The following UBL3 variants were observed in gnomAD, a reference collection of about 807,000 sequenced individuals.
UBL3 encodes the protein ubiquitin-like protein 3.
UBL3 carries 6 observed loss-of-function variants against 18.4 expected under a neutral mutation model. The ratio of observed to expected loss-of-function variants is 0.33; its 90% CI spans 0.18 to 0.64. The LOEUF (loss-of-function observed/expected upper bound fraction) is 0.64, where lower values mean the gene tolerates loss of function less well. UBL3 is among the 30% of genes least tolerant of loss of function. UBL3 has a pLI of 0.76. For missense variants in UBL3, 109 were observed against 142.9 expected (o/e 0.76, Z 1.21); for synonymous variants, 49 against 46.6 (o/e 1.05, Z -0.21).
intron 1 of UBL3, among the ~76,000 whole-genome samples, chr13:29,796,136 T>C (rs960945586): frequency 3.3e-5 from 5 of 152,122 alleles, no homozygotes; most frequent in Non-Finnish European, 5.9e-5. Flanking sequence ...ATTAAGTCAT[T>C]TGCTAAAAGG....
Position 29,767,171 on chromosome 13 carries a change from G to T in UBL3, c.*84C>A. 1 of 1,480,674 alleles carries T rather than the reference G, an allele frequency of 6.8e-7. No homozygotes were observed. Among genetic ancestry groups the T allele is most frequent in the South Asian group, 1.2e-5 (1 of 85,524 alleles). The allele number at this position is 1,480,674 out of a possible 1,614,324, so 91.7% of individuals were successfully genotyped here. A position where few individuals can be genotyped will look rare whatever the true frequency, so the allele number is the denominator to read the frequency against. On this transcript the variant is annotated 3_prime_UTR_variant, in exon 5 of 5. Coordinates refer to ENST00000380680, the MANE Select transcript of UBL3 (RefSeq NM_007106.4). ...TGTTTACAGGCAGACTGTTCTGAAC[G>T]GTTTCTGAAGCAATGTCGGGTCTTT... is the stretch of plus-strand genomic sequence containing the variant.
chr13:29,773,634 CAG>C (rs933134181), intron 2 of UBL3, among the ~76,000 whole-genome samples: 7 of 152,016 alleles, frequency 4.6e-5, no homozygotes, highest in Non-Finnish European at 5.9e-5. Flanking sequence ...TTATCTTATA[CAG>C]AGTGTCATGA....
chr13:29,813,267 A>G (rs561810541), intron 1 of UBL3, among the ~76,000 whole-genome samples: 1 of 152,174 alleles, frequency 6.6e-6, no homozygotes, highest in East Asian at 1.9e-4. Flanking sequence ...GTAATTGCAT[A>G]GAACGTCAGG....
chr13:29,817,373 G>A (rs531786114), intron 1 of UBL3, among the ~76,000 whole-genome samples: 10 of 152,160 alleles, frequency 6.6e-5, no homozygotes, highest in East Asian at 1.9e-4. Context: ...CAGAACCTTC[G>A]AATTTTTTAA....
intron 1 of UBL3, 128 bp downstream of exon 1, chr13:29,849,384 C>G (rs2139374565): frequency 7.8e-7 from 1 of 1,278,506 alleles, no homozygotes; most frequent in South Asian, 1.3e-5. Flanking sequence ...TCCAACTTCT[C>G]CAAATCGCTC....
intron 1 of UBL3, among the ~76,000 whole-genome samples, chr13:29,822,068 A>G (rs1226106356): frequency 3.3e-5 from 5 of 152,218 alleles, no homozygotes; most frequent in Admixed American, 3.3e-4. Flanking sequence ...GCCTTGGTTG[A>G]ATATATATGG....
At chr13:29,831,448 G>T (rs1401656018) in intron 1 of UBL3, among the ~76,000 whole-genome samples, 1 of 152,034 alleles carries the variant, frequency 6.6e-6, no homozygotes, top group East Asian at 1.9e-4. Context: ...AATTAGCCGG[G>T]GTGGTAGTGC....
chr13:29,791,580 G>A lies in UBL3; in HGVS notation c.28-14317C>T, dbSNP rs149482633. ...CTATCCTGGCAAGAATCACCAGAATGACTTTCTGATTGTTCTTGTTCGGTT... is the reference window on the plus strand; with the variant it reads ...CTATCCTGGCAAGAATCACCAGAATAACTTTCTGATTGTTCTTGTTCGGTT... On this transcript the variant is annotated intron_variant, in intron 1 of 4. Transcript: ENST00000380680. Among the ~76,000 whole-genome samples, 170 of 152,278 alleles carry A rather than the reference G, an allele frequency of 1.1e-3. 1 individual carries two copies. The highest frequency in any genetic ancestry group is 4.0e-3 in the African/African-American group (168 of 41,558).
intron 1 of UBL3, among the ~76,000 whole-genome samples, chr13:29,819,215 A>G (rs927135830): frequency 1.3e-5 from 2 of 152,376 alleles, no homozygotes; most frequent in East Asian, 3.9e-4. Context: ...AAAAGTGCTT[A>G]GAAAATCCCA....
chr13:29,786,955 T>C (rs1877336972), intron 1 of UBL3, among the ~76,000 whole-genome samples: 1 of 152,194 alleles, frequency 6.6e-6, no homozygotes, highest in Admixed American at 6.5e-5. Flanking sequence ...TTACTTGGAA[T>C]GTGAACTTGC....
chr13:29,777,180 C>T lies in UBL3; in HGVS notation c.111G>A (p.Lys37=), dbSNP rs1457035638. ...CCATTGGCCAATTGTCATATACATG[C>T]TTTGCAATGTCAGAAGCAGAATCGT... ...SPNDSASDIA[K]HVYDNWPMDW... is the part of the protein sequence containing the mutation. The change falls in exon 2 of 5, where the codon AAG becomes AAA. Residue 37 remains lysine (K), a synonymous_variant. Transcript: ENST00000380680. 5 of 1,605,932 alleles carry T rather than the reference C, an allele frequency of 3.1e-6. No homozygotes were observed. The highest frequency in any genetic ancestry group is 4.3e-6 in the Non-Finnish European group (5 of 1,175,956).
At chr13:29,806,829 A>C (rs1442760818) in intron 1 of UBL3, among the ~76,000 whole-genome samples, 2 of 152,054 alleles carry the variant, frequency 1.3e-5, no homozygotes, top group African/African-American at 4.8e-5. Context: ...AATTCACTTT[A>C]TTGTCTTTTG....
intron 1 of UBL3, among the ~76,000 whole-genome samples, chr13:29,839,282 G>A (rs1879034386): frequency 1.3e-5 from 2 of 152,150 alleles, no homozygotes; most frequent in African/African-American, 4.8e-5. Context: ...ATCATAGAAT[G>A]ATTCCAGACC....
chr13:29,776,901 A>AAT (rs1877011980), intron 2 of UBL3, among the ~76,000 whole-genome samples: 1 of 124,866 alleles, frequency 8.0e-6, no homozygotes, highest in East Asian at 2.5e-4. Flanking sequence ...AAAAAAAAAA[A>AAT]TTTTTTTCAC....
intron 1 of UBL3, among the ~76,000 whole-genome samples, chr13:29,840,178 C>A (rs534665680): frequency 6.6e-6 from 1 of 152,042 alleles, no homozygotes; most frequent in Non-Finnish European, 1.5e-5. Flanking sequence ...ATCATAGATA[C>A]TACAAATACC....
At chr13:29,809,835 T>C (rs1215728284) in intron 1 of UBL3, among the ~76,000 whole-genome samples, 1 of 152,106 alleles carries the variant, frequency 6.6e-6, no homozygotes, top group Non-Finnish European at 1.5e-5. Flanking sequence ...TATTTCCATA[T>C]AACCTAGCAC....
intron 1 of UBL3, among the ~76,000 whole-genome samples, chr13:29,806,236 TA>T (rs1007865366): frequency 1.3e-5 from 2 of 152,144 alleles, no homozygotes; most frequent in Admixed American, 1.3e-4. Context: ...TCTATATTAG[TA>T]AAATTACACA....
At chr13:29,822,316 T>C (rs566650215) in intron 1 of UBL3, among the ~76,000 whole-genome samples, 4 of 152,332 alleles carry the variant, frequency 2.6e-5, no homozygotes, top group South Asian at 2.1e-4. Context: ...TATATGTATT[T>C]ACAAACCTAG....
At chr13:29,840,428 C>T (rs1879068120) in intron 1 of UBL3, among the ~76,000 whole-genome samples, 1 of 152,164 alleles carries the variant, frequency 6.6e-6, no homozygotes. Context: ...AATCAATCTT[C>T]ACAAATTCTT....
Sources: allele counts gnomAD v4.1 joint callset (sites outside exome capture counted in the v4.1 genomes callset), GRCh38; gene constraint gnomAD v4.1.1; transcripts MANE v1.5; gene names NCBI Gene and HGNC (gene_info 2026-07-23, HGNC 2026-07-21).